Variants in MORN5 observed in about 807,000 individuals in gnomAD.
MORN5 encodes MORN repeat containing 5, also known as MORN repeat-containing protein 5.
Under a neutral mutation model 22.1 loss-of-function variants are expected in MORN5, and 21 were observed. The ratio of observed to expected loss-of-function variants is 0.95; its 90% CI spans 0.67 to 1.37. MORN5 has a LOEUF of 1.37. Ranked by LOEUF, MORN5 falls within the 40% of genes most tolerant of loss-of-function variation. The pLI, the probability that MORN5 is intolerant of heterozygous loss-of-function variation, is 0.00. For missense variants in MORN5, 211 were observed against 215.1 expected (o/e 0.98, Z 0.12); for synonymous variants, 73 against 74.0 (o/e 0.99, Z 0.07).
intron 1 of MORN5, among the ~76,000 whole-genome samples, chr9:122,161,471 G>A (rs1294041796): frequency 2.6e-5 from 4 of 152,192 alleles, no homozygotes; most frequent in African/African-American, 7.2e-5. Flanking sequence ...TCACTACTCA[G>A]TGAGATAGTT....
intron 4 of MORN5, among the ~76,000 whole-genome samples, chr9:122,199,036 G>A (rs1049634409): frequency 2.0e-5 from 3 of 152,196 alleles, no homozygotes; most frequent in Non-Finnish European, 2.9e-5. Flanking sequence ...GTATGGGTTT[G>A]GAGGAGAAAG....
At chr9:122,193,268 TACA>T (rs1829812245) in intron 4 of MORN5, among the ~76,000 whole-genome samples, 2 of 152,250 alleles carry the variant, frequency 1.3e-5, no homozygotes, top group Non-Finnish European at 2.9e-5. Flanking sequence ...ACACTCATAT[TACA>T]TTTGGTTGTT....
At chr9:122,163,383 C>A (rs2118735638) in intron 1 of MORN5, among the ~76,000 whole-genome samples, 1 of 152,336 alleles carries the variant, frequency 6.6e-6, no homozygotes, top group Non-Finnish European at 1.5e-5. Flanking sequence ...CCAGGTCGAT[C>A]AGACTGTAAA....
chr9:122,174,182 C>A (rs981727645), intron 3 of MORN5, among the ~76,000 whole-genome samples: 1 of 152,178 alleles, frequency 6.6e-6, no homozygotes, highest in Non-Finnish European at 1.5e-5. Flanking sequence ...CTCTGACTTA[C>A]CCTCAGGGTC....
intron 4 of MORN5, among the ~76,000 whole-genome samples, chr9:122,188,398 A>C (rs1057285385): frequency 1.3e-5 from 2 of 152,230 alleles, no homozygotes. Context: ...GTATTCAATG[A>C]GTTCTGGTCT....
chr9:122,170,300 A>G (rs868108460), intron 3 of MORN5, among the ~76,000 whole-genome samples: 5,183 of 129,596 alleles, frequency 0.04, 110 homozygotes, highest in African/African-American at 0.069. Flanking sequence ...TGGTCTCAGA[A>G]AAAAAAAAAA....
chr9:122,179,263 G>A (rs1829499987), intron 4 of MORN5, among the ~76,000 whole-genome samples: 1 of 152,202 alleles, frequency 6.6e-6, no homozygotes, highest in African/African-American at 2.4e-5. Context: ...GGCGGGGTGA[G>A]GACAAAGGTT....
intron 4 of MORN5, chr9:122,174,883 T>C: frequency 7.8e-7 from 1 of 1,283,380 alleles, no homozygotes; most frequent in South Asian, 1.5e-5. Flanking sequence ...AGGATTAAGG[T>C]ACTTATTTTT....
intron 2 of MORN5, among the ~76,000 whole-genome samples, chr9:122,167,292 C>T (rs1741968174): frequency 1.3e-5 from 2 of 151,404 alleles, no homozygotes; most frequent in African/African-American, 2.4e-5. Context: ...GTGATCCACC[C>T]GCCTTGGCCT....
chr9:122,175,787 G>A (rs1829441396), intron 4 of MORN5: 1 of 847,870 alleles, frequency 1.2e-6, no homozygotes, highest in Admixed American at 6.2e-5. Flanking sequence ...GTAAGTCAGT[G>A]ATGACCAGAA....
At chr9:122,180,578 G>T (rs188224175) in intron 4 of MORN5, among the ~76,000 whole-genome samples, 2 of 152,052 alleles carry the variant, frequency 1.3e-5, no homozygotes, top group African/African-American at 2.4e-5. Context: ...GAGCCACTGC[G>T]CTCGGCCCGA....
Position 122,166,868 on chromosome 9 carries a change from A to G in MORN5, c.148A>G (p.Ser50Gly). ...FHGEGTLYFP[S>G]GSQYDAIWEN... ...CGGCGAGGGAACCCTGTACTTCCCCAGCGGAAGCCAATACGACGCCATTTG... is the reference window on the plus strand; with the variant it reads ...CGGCGAGGGAACCCTGTACTTCCCCGGCGGAAGCCAATACGACGCCATTTG... The change falls in exon 2 of 5, where the codon AGC becomes GGC. Residue 50 changes from serine to glycine, a missense_variant. Ser to Gly is a moderately conservative substitution (Grantham distance 56). Coordinates refer to ENST00000373764, the MANE Select transcript of MORN5 (RefSeq NM_198469.4). 1 of 1,614,032 alleles carries G rather than the reference A, an allele frequency of 6.2e-7. No homozygotes were observed. Among genetic ancestry groups the G allele is most frequent in the Non-Finnish European group, 8.5e-7 (1 of 1,179,960 alleles).
chr9:122,196,213 C>A (rs1441154097), intron 4 of MORN5, among the ~76,000 whole-genome samples: 2 of 152,070 alleles, frequency 1.3e-5, no homozygotes, highest in Non-Finnish European at 2.9e-5. Context: ...TCCACCTCAG[C>A]CTCCCAAAGT....
chr9:122,196,956 C>A (rs906933171), intron 4 of MORN5, among the ~76,000 whole-genome samples: 6 of 152,184 alleles, frequency 3.9e-5, no homozygotes, highest in African/African-American at 1.4e-4. Context: ...GTATCCACCT[C>A]CCCGAATCTA....
intron 4 of MORN5, among the ~76,000 whole-genome samples, chr9:122,199,061 A>C (rs1258933344): frequency 6.6e-6 from 1 of 152,194 alleles, no homozygotes; most frequent in African/African-American, 2.4e-5. Flanking sequence ...AAAAATGAAA[A>C]TAAAGTAAAT....
At chr9:122,162,618 T>G (rs1829217745) in intron 1 of MORN5, among the ~76,000 whole-genome samples, 1 of 152,202 alleles carries the variant, frequency 6.6e-6, no homozygotes, top group African/African-American at 2.4e-5. Context: ...GTATATCCAT[T>G]CATTGGAATA....
chr9:122,199,931 GGAT>G lies in MORN5; in HGVS notation c.*3_*5del. 6.2e-7 allele frequency: 1 copy of G among 1,614,066 alleles called. No individual in the cohort carries two copies. The highest frequency in any genetic ancestry group is 8.5e-7 in the Non-Finnish European group (1 of 1,179,920). On this transcript the variant is annotated 3_prime_UTR_variant, in exon 5 of 5. Transcript: ENST00000373764. ...TCACCCGTACCTGTCGAAAGGGCTA[GGAT>G]GAGATCGTGGGTCACAGGCCCGAGC...
In MORN5 at chr9:122,159,981, C is replaced by G. The variant is rs760703082; in HGVS notation, c.9C>G (p.Tyr3Ter). 3 of 1,614,020 alleles carry G rather than the reference C, an allele frequency of 1.9e-6. No individual in the cohort carries two copies. In the South Asian group the frequency reaches 3.3e-5, roughly 18 times the overall value. ME[Y>*]TGSKYIGEYV... ...AGCTAAAAACAGGCGCCATGGAGTACACAGGGAGCAAATATATCGGGGAAT... is the reference window on the plus strand; with the variant it reads ...AGCTAAAAACAGGCGCCATGGAGTAGACAGGGAGCAAATATATCGGGGAAT... The change falls in exon 1 of 5, where the codon TAC (tyrosine) becomes TAG (stop). Residue 3 changes from tyrosine (Y) to a stop codon, truncating the protein, a stop_gained. Transcript: ENST00000373764. LOFTEE classifies it high-confidence loss of function.
chr9:122,174,391 AG>A (rs1233150119), intron 3 of MORN5, 104 bp from the exon 4 acceptor site: 1 of 1,317,618 alleles, frequency 7.6e-7, no homozygotes, highest in Non-Finnish European at 1.1e-6. Context: ...TCAACAGGGG[AG>A]CCAGATAGTC....
Sources: allele counts gnomAD v4.1 joint callset (sites outside exome capture counted in the v4.1 genomes callset), GRCh38; gene constraint gnomAD v4.1.1; transcripts MANE v1.5; gene names NCBI Gene and HGNC (gene_info 2026-07-23, HGNC 2026-07-21).